Variants in VPS13C observed in about 807,000 individuals in gnomAD.
The protein encoded by VPS13C is intermembrane lipid transfer protein VPS13C.
In VPS13C, 358 loss-of-function variants were observed where a neutral mutation model predicts 456.8. The observed-to-expected ratio is 0.78, with a 90% CI of 0.72 to 0.86. The LOEUF (loss-of-function observed/expected upper bound fraction) is 0.86, where lower values mean the gene tolerates loss of function less well. Among genes scored for constraint, VPS13C ranks in the 40% least tolerant of loss-of-function variants. The pLI is 0.00. For synonymous variants in VPS13C, 1,578 were observed against 1,486.7 expected (o/e 1.06, Z -1.41); for missense variants, 4,818 against 4,385.4 (o/e 1.10, Z -2.79).
intron 75 of VPS13C, 82 bp downstream of exon 75, chr15:61,876,891 A>G (rs1895463670): frequency 2.0e-6 from 2 of 979,846 alleles, no homozygotes; most frequent in African/African-American, 3.4e-5. Flanking sequence ...GATAAACATT[A>G]CTGCACACTA....
At chr15:61,989,669 T>G (rs2046163986) in intron 18 of VPS13C, among the ~76,000 whole-genome samples, 1 of 152,086 alleles carries the variant, frequency 6.6e-6, no homozygotes, top group Admixed American at 6.5e-5. Context: ...GTGCAAAACC[T>G]CTTTAGTCAT....
At chr15:61,931,375 G>T (rs1442315953) in intron 49 of VPS13C, 116 bp from the exon 50 acceptor site, 4 of 1,036,362 alleles carry the variant, frequency 3.9e-6, no homozygotes, top group Non-Finnish European at 5.4e-6. Context: ...AATTTTAAAA[G>T]TATGAGTGCT....
chr15:61,973,420 AT>A, intron 26 of VPS13C, 33 bp downstream of exon 26: 2 of 1,547,618 alleles, frequency 1.3e-6, no homozygotes, highest in Non-Finnish European at 1.8e-6. Flanking sequence ...TATAGGCTTA[AT>A]TTAATAGAGA....
chr15:61,893,820 G>A (rs906713780), intron 66 of VPS13C, among the ~76,000 whole-genome samples: 11 of 151,806 alleles, frequency 7.2e-5, no homozygotes, highest in Admixed American at 5.9e-4. Context: ...AAGTTAAGTT[G>A]TCATTTGTTT....
At chr15:62,019,267 G>GT (rs1406629255) in intron 9 of VPS13C, among the ~76,000 whole-genome samples, 2 of 151,958 alleles carry the variant, frequency 1.3e-5, no homozygotes, top group Admixed American at 6.6e-5. Flanking sequence ...TTTTTGAAGG[G>GT]TTTTTTGTGT....
chr15:62,047,723 T>A (rs1450709179), intron 1 of VPS13C, among the ~76,000 whole-genome samples: 1 of 152,210 alleles, frequency 6.6e-6, no homozygotes, highest in East Asian at 1.9e-4. Flanking sequence ...GGTAAGGCAC[T>A]GGACTAACAA....
Position 61,877,000 on chromosome 15 carries a change from C to G in VPS13C, c.10197G>C (p.Trp3399Cys). The part of the protein sequence containing the change: ...YQFYKRDQLI[W>C]SVVRHYSEQF... ...GTTCACTGTAATGCCTAACAACACT[C>G]CATATAAGCTGATCTCTCTTGTAGA... Residue 3399 changes from tryptophan (W) to cysteine (C), a missense_variant, in exon 75 of 85, where the codon TGG (tryptophan) becomes TGC (cysteine). By Grantham distance (215) the Trp-to-Cys change is radical. Transcript: ENST00000644861. The G allele has an allele frequency of 1.2e-6, 2 of 1,609,474 alleles. No individual in the cohort carries two copies. The highest frequency in any genetic ancestry group is 2.7e-5 in the African/African-American group (2 of 74,728).
intron 66 of VPS13C, among the ~76,000 whole-genome samples, chr15:61,899,590 T>A (rs2042935156): frequency 6.7e-6 from 1 of 148,914 alleles, no homozygotes; most frequent in Non-Finnish European, 1.5e-5. Context: ...AATAGACCAA[T>A]AACAGGATCT....
At chr15:61,895,286 C>A (rs1188212401) in intron 66 of VPS13C, among the ~76,000 whole-genome samples, 1 of 151,888 alleles carries the variant, frequency 6.6e-6, no homozygotes, top group Non-Finnish European at 1.5e-5. Context: ...AACAACCTAA[C>A]AGTATACCTT....
intron 81 of VPS13C, chr15:61,866,450 G>A (rs918048485): frequency 1.0e-6 from 1 of 984,164 alleles, no homozygotes; most frequent in Non-Finnish European, 1.2e-6. Context: ...AAAATCTTAA[G>A]TTACAGGGGT....
rs1443254279 is a variant in VPS13C, at chr15:61,949,552, G to A, written c.4650C>T (p.Phe1550=). 1.2e-6 allele frequency: 2 copies of A among 1,612,668 alleles called. No individual in the cohort carries two copies. Among genetic ancestry groups the A allele is most frequent in the Non-Finnish European group, 1.7e-6 (2 of 1,179,674 alleles). The stretch of plus-strand genomic sequence containing the variant: ...GAGCAGCAGATGATAAAAAATCCAT[G>A]AAGGAAAGTAAAGCTTCCAAATGAA... ...LVLHLEALLS[F]MDFLSSAAPF... is the part of the protein sequence containing the mutation. The change falls in exon 42 of 85, where the codon TTC becomes TTT. Residue 1550 remains phenylalanine (F), a synonymous_variant. Transcript: ENST00000644861.
At chr15:61,917,830 T>C (rs2043522547) in intron 59 of VPS13C, among the ~76,000 whole-genome samples, 195 bp from the exon 60 acceptor site, 1 of 152,090 alleles carries the variant, frequency 6.6e-6, no homozygotes, top group African/African-American at 2.4e-5. Context: ...TACGGAGGAC[T>C]TTCTGAAAAG....
intron 53 of VPS13C, 47 bp from the exon 54 acceptor site, chr15:61,922,809 G>C: frequency 6.8e-7 from 1 of 1,472,360 alleles, no homozygotes; most frequent in Non-Finnish European, 9.0e-7. Flanking sequence ...TTCTTTCCCA[G>C]ATGAGAATAT....
At chr15:61,961,143 C>T (rs2140317479) in intron 35 of VPS13C, among the ~76,000 whole-genome samples, 1 of 151,714 alleles carries the variant, frequency 6.6e-6, no homozygotes, top group Non-Finnish European at 1.5e-5. Context: ...AATCCCAGCA[C>T]TTTGGGGGTC....
At chr15:61,875,172 T>C (rs893516977) in intron 76 of VPS13C, among the ~76,000 whole-genome samples, 7 of 152,026 alleles carry the variant, frequency 4.6e-5, no homozygotes, top group African/African-American at 1.2e-4. Context: ...AAGTCAAAAA[T>C]TGGATAGGTA....
intron 67 of VPS13C, among the ~76,000 whole-genome samples, chr15:61,889,037 A>G (rs1896478948): frequency 6.6e-6 from 1 of 152,140 alleles, no homozygotes; most frequent in African/African-American, 2.4e-5. Flanking sequence ...GATTTTTAAA[A>G]TTATGTAACT....
rs151203883 is a variant in VPS13C, at chr15:61,943,144, C to G, written c.5149-1077G>C. Among the ~76,000 whole-genome samples, 815 of 152,222 alleles carry G rather than the reference C, an allele frequency of 5.4e-3. 9 individuals carry two copies. The highest frequency in any genetic ancestry group is 0.018 in the African/African-American group (766 of 41,540). On this transcript the variant is annotated intron_variant, in intron 45 of 84. Coordinates refer to ENST00000644861, the MANE Select transcript of VPS13C (RefSeq NM_020821.3). ...TGACACAGACAAATGGAAAAACATTCCATGCTCATGGATTACAAGAATCAA... is the reference window on the plus strand; with the variant it reads ...TGACACAGACAAATGGAAAAACATTGCATGCTCATGGATTACAAGAATCAA...
chr15:61,883,693 T>C (rs1302430413), intron 68 of VPS13C, among the ~76,000 whole-genome samples: 1 of 152,028 alleles, frequency 6.6e-6, no homozygotes, highest in African/African-American at 2.4e-5. Flanking sequence ...CTTGAGCAGC[T>C]TTTTGTAGGT....
In VPS13C at chr15:62,010,604, C is replaced by G. The variant is rs757293250; in HGVS notation, c.884-5G>C. 3.1e-6 allele frequency: 5 copies of G among 1,608,328 alleles called. No individual in the cohort carries two copies. In the South Asian group the frequency reaches 5.6e-5, roughly 18 times the overall value. On this transcript the variant is annotated splice_polypyrimidine_tract_variant and splice_region_variant and intron_variant, in intron 12 of 84. Coordinates refer to ENST00000644861, the MANE Select transcript of VPS13C (RefSeq NM_020821.3). ...AGGCTGATATTGGCTGGAAAACTTA[C>G]ATCACATGGGAAGACATAAGATATG...
Sources: allele counts gnomAD v4.1 joint callset (sites outside exome capture counted in the v4.1 genomes callset), GRCh38; gene constraint gnomAD v4.1.1; transcripts MANE v1.5; gene names NCBI Gene and HGNC (gene_info 2026-07-23, HGNC 2026-07-21).